GRID2: variants seen among roughly 807,000 people sequenced by gnomAD.
The protein encoded by GRID2 is glutamate ionotropic receptor delta type subunit 2, also known as glutamate receptor ionotropic, delta-2.
A neutral mutation model predicts 114.8 loss-of-function variants in GRID2; 33 were observed. The observed-to-expected ratio is 0.29, with a 90% confidence interval of 0.22 to 0.38. The LOEUF (loss-of-function observed/expected upper bound fraction) is 0.38, where lower values mean the gene tolerates loss of function less well. Among genes scored for constraint, GRID2 ranks in the 10% least tolerant of loss-of-function variants. GRID2 has a pLI of 1.00. For missense variants in GRID2, 1,184 were observed against 1,257.7 expected, an observed-to-expected ratio of 0.94 and a Z score of 0.89; for synonymous variants, 505 against 449.9, an observed-to-expected ratio of 1.12 and a Z score of -1.55.
chr4:93,776,624 C>T (rs903353079), downstream of GRID2, among the ~76,000 whole-genome samples: 1 of 152,144 alleles, frequency 6.6e-6, no homozygotes, highest in Non-Finnish European at 1.5e-5. Context: ...CCAGCACAGT[C>T]TTCTTGGTTG....
chr4:92,449,693 AT>A (rs1181900318), intron 1 of GRID2, among the ~76,000 whole-genome samples: 2 of 141,680 alleles, frequency 1.4e-5, no homozygotes, highest in African/African-American at 5.2e-5. Context: ...ATATATATAT[AT>A]ATATATATAT....
chr4:93,340,311 TTCTG>T (rs1206477205), intron 8 of GRID2, among the ~76,000 whole-genome samples: 6 of 136,792 alleles, frequency 4.4e-5, no homozygotes, highest in African/African-American at 2.1e-4. Flanking sequence ...TATGCCCCTT[TTCTG>T]TCTGTCTTTC....
chr4:93,364,534 TA>T (rs1762163477), intron 8 of GRID2, among the ~76,000 whole-genome samples: 1 of 152,120 alleles, frequency 6.6e-6, no homozygotes. Flanking sequence ...TGCAGTGGTG[TA>T]ATCATAGCTC....
At chr4:93,632,067 G>T (rs1279458380) in intron 14 of GRID2, among the ~76,000 whole-genome samples, 5 of 152,098 alleles carry the variant, frequency 3.3e-5, no homozygotes, top group Non-Finnish European at 7.4e-5. Context: ...GAGGTTGTTT[G>T]TTTTTTCCTT....
At chr4:92,506,773 C>A (rs896812707) in intron 1 of GRID2, among the ~76,000 whole-genome samples, 5 of 151,894 alleles carry the variant, frequency 3.3e-5, no homozygotes, top group Non-Finnish European at 5.9e-5. Flanking sequence ...TATACATTCA[C>A]CTCCTTTGAG....
At chr4:92,757,312 A>G (rs372403320) in intron 2 of GRID2, among the ~76,000 whole-genome samples, 2 of 152,134 alleles carry the variant, frequency 1.3e-5, no homozygotes, top group African/African-American at 2.4e-5. Flanking sequence ...TACCTAGTCC[A>G]TAGATAATTA....
chr4:92,766,034 T>C (rs908687409), intron 2 of GRID2, among the ~76,000 whole-genome samples: 2 of 150,748 alleles, frequency 1.3e-5, no homozygotes, highest in Admixed American at 6.6e-5. Flanking sequence ...TGATTCTCTC[T>C]CACTGAAAGC....
chr4:92,320,716 G>A (rs565489590), intron 1 of GRID2, among the ~76,000 whole-genome samples: 11 of 152,224 alleles, frequency 7.2e-5, no homozygotes, highest in African/African-American at 1.2e-4. Flanking sequence ...GACCTCAAGC[G>A]ATCCACCTGC....
intron 2 of GRID2, among the ~76,000 whole-genome samples, chr4:92,591,760 TTTTCC>T (rs1290052604): frequency 6.6e-6 from 1 of 152,118 alleles, no homozygotes; most frequent in Non-Finnish European, 1.5e-5. Context: ...TCTAAAAGTT[TTTTCC>T]TTGTTAATGG....
intron 2 of GRID2, among the ~76,000 whole-genome samples, chr4:92,622,249 A>T (rs1730310768): frequency 6.6e-6 from 1 of 151,768 alleles, no homozygotes; most frequent in South Asian, 2.1e-4. Context: ...CTGTAATATT[A>T]GGAATGCCAA....
intron 8 of GRID2, among the ~76,000 whole-genome samples, chr4:93,277,746 T>C (rs571927404): frequency 2.4e-4 from 36 of 152,070 alleles, no homozygotes; most frequent in African/African-American, 8.2e-4. Flanking sequence ...TTCACCCCTT[T>C]CACACATTTG....
intron 1 of GRID2, among the ~76,000 whole-genome samples, chr4:92,549,408 C>T (rs544024972): frequency 6.6e-6 from 1 of 152,206 alleles, no homozygotes; most frequent in African/African-American, 2.4e-5. Context: ...GAAGTGATCT[C>T]ATTTTTGTCA....
intron 3 of GRID2, among the ~76,000 whole-genome samples, chr4:93,105,447 C>A (rs953915463): frequency 1.3e-5 from 2 of 152,034 alleles, no homozygotes; most frequent in Non-Finnish European, 2.9e-5. Context: ...TTAGGTCTAA[C>A]GTTTAAGTCT....
intron 11 of GRID2, among the ~76,000 whole-genome samples, chr4:93,489,403 A>G (rs1726747762): frequency 6.6e-6 from 1 of 151,960 alleles, no homozygotes; most frequent in Non-Finnish European, 1.5e-5. Flanking sequence ...CAATTGACCT[A>G]AGATCAGTAT....
intron 1 of GRID2, among the ~76,000 whole-genome samples, chr4:92,383,719 T>C (rs1729728486): frequency 6.6e-6 from 1 of 152,004 alleles, no homozygotes; most frequent in Non-Finnish European, 1.5e-5. Flanking sequence ...CCTCCAATGA[T>C]GCTGGATTTA....
At chr4:92,841,537 A>G (rs1193990056) in intron 2 of GRID2, among the ~76,000 whole-genome samples, 1 of 151,988 alleles carries the variant, frequency 6.6e-6, no homozygotes, top group Non-Finnish European at 1.5e-5. Context: ...ATAAGAATCT[A>G]AATATCAGTT....
At chr4:92,575,173 G>T (rs1466992196) in intron 1 of GRID2, among the ~76,000 whole-genome samples, 1 of 152,188 alleles carries the variant, frequency 6.6e-6, no homozygotes, top group African/African-American at 2.4e-5. Flanking sequence ...GGTTGGTTAT[G>T]TTCCTCTACA....
intron 2 of GRID2, among the ~76,000 whole-genome samples, chr4:92,732,918 A>T (rs1038734793): frequency 2.6e-5 from 4 of 152,128 alleles, no homozygotes; most frequent in African/African-American, 9.7e-5. Context: ...GGCCTAGTAC[A>T]GTGACTGACA....
At chr4:93,191,135 G>A (rs1300083409) in intron 4 of GRID2, among the ~76,000 whole-genome samples, 1 of 151,998 alleles carries the variant, frequency 6.6e-6, no homozygotes, top group African/African-American at 2.4e-5. Flanking sequence ...GAAGGATGAA[G>A]AAGCACGTGT....
Sources: allele counts gnomAD v4.1 joint callset (sites outside exome capture counted in the v4.1 genomes callset), GRCh38; gene constraint gnomAD v4.1.1; transcripts MANE v1.5; gene names NCBI Gene and HGNC (gene_info 2026-07-23, HGNC 2026-07-21).